Variants in ITGB3BP observed in about 807,000 individuals in gnomAD.
The protein encoded by ITGB3BP is integrin subunit beta 3 binding protein, also known as centromere protein R.
A neutral mutation model predicts 29.1 loss-of-function variants in ITGB3BP; 27 were observed. The ratio of observed to expected loss-of-function variants is 0.93; its 90% CI spans 0.68 to 1.28. ITGB3BP has a LOEUF of 1.28. Among genes scored for constraint, ITGB3BP ranks in the 50% most tolerant of loss-of-function variants. The probability of loss-of-function intolerance (pLI) is 0.00; values close to 1 mark genes in which losing one functional copy is unlikely to be tolerated. For synonymous variants in ITGB3BP, 61 were observed against 61.4 expected (o/e 0.99, Z 0.03); for missense variants, 192 against 200.2 (o/e 0.96, Z 0.25).
chr1:63,491,502 G>C (rs949075903), intron 2 of ITGB3BP, among the ~76,000 whole-genome samples: 3 of 152,104 alleles, frequency 2.0e-5, no homozygotes, highest in Admixed American at 6.6e-5. Flanking sequence ...AGGTCTGATG[G>C]CTCATACATT....
chr1:63,515,214 TTTTG>T (rs1646287966), intron 1 of ITGB3BP, among the ~76,000 whole-genome samples: 1 of 152,122 alleles, frequency 6.6e-6, no homozygotes, highest in Non-Finnish European at 1.5e-5. Context: ...GGTCAAGGTG[TTTTG>T]TTTTTTTCCC....
rs1570329943 is a variant in ITGB3BP, at chr1:63,515,782, C to T, written c.6-7212G>A. On this transcript the variant is annotated intron_variant, in intron 1 of 8. Transcript: ENST00000271002. ...CGGAGGTTGCAGTGAGCCAAGATTG[C>T]ACCACTGCACTCCAGTCTGGACAAC... 3.2e-5 allele frequency among the ~76,000 whole-genome samples: 4 copies of T among 123,826 alleles called. No homozygotes were observed. In the East Asian group the frequency reaches 1.1e-3, roughly 34 times the overall value. The allele number at this position is 123,826 out of a possible 152,430, so 81.2% of individuals were successfully genotyped here. A position where few individuals can be genotyped will look rare whatever the true frequency, so the allele number is the denominator to read the frequency against.
In ITGB3BP at chr1:63,478,829, CT is replaced by C; in HGVS notation, c.188del (p.Lys63ArgfsTer5). 1 of 1,281,020 alleles carries C rather than the reference CT, an allele frequency of 7.8e-7. No individual in the cohort carries two copies. Among genetic ancestry groups the C allele is most frequent in the Non-Finnish European group, 1.1e-6 (1 of 921,868 alleles). 79.4% of individuals were successfully genotyped at this position (1,281,020 alleles called of 1,614,324 possible). A position where few individuals can be genotyped will look rare whatever the true frequency, so the allele number is the denominator to read the frequency against. On this transcript the variant is annotated frameshift_variant, in exon 4 of 9. Transcript: ENST00000271002. LOFTEE classifies it high-confidence loss of function. ...AACTGGGGTGATTCAATTTTTTTCT[CT>C]TTTCTATATATGTGTAATAAAGAAA... Reference protein sequence around the residue: ...QKHRNGLSNEKRKKLNHPSLT... With the variant: ...QKHRNGLSNEXRKKLNHPSLT...
chr1:63,495,643 G>T (rs927309099), intron 2 of ITGB3BP, among the ~76,000 whole-genome samples: 1 of 150,872 alleles, frequency 6.6e-6, no homozygotes, highest in Non-Finnish European at 1.5e-5. Flanking sequence ...CAGGATCCAT[G>T]GCAATCACTC....
intron 2 of ITGB3BP, among the ~76,000 whole-genome samples, chr1:63,495,908 G>C (rs1280990499): frequency 6.6e-6 from 1 of 152,132 alleles, no homozygotes; most frequent in Non-Finnish European, 1.5e-5. Flanking sequence ...CATTCTGTGG[G>C]AGGGAATCTC....
Position 63,510,891 on chromosome 1 carries a change from ATTACT to A in ITGB3BP, c.6-2326_6-2322del, listed in dbSNP as rs909897764. Among the ~76,000 whole-genome samples, 12 of 152,300 alleles carry A rather than the reference ATTACT, an allele frequency of 7.9e-5. 1 individual carries two copies. Among genetic ancestry groups the A allele is most frequent in the African/African-American group, 2.9e-4 (12 of 41,562 alleles). ...ACAATGACGAGAATATACTAAATTG[ATTACT>A]TTACTGTTAGTAGGAATAGAAGAGA... On this transcript the variant is annotated intron_variant, in intron 1 of 8. Transcript: ENST00000271002.
rs573393204 is a variant in ITGB3BP, at chr1:63,499,922, C to A, written c.48+8606G>T. ...AGACTGGATTCTTTCCCTCTAAGAT[C>A]AGGTACAAGAAAAGAATGTCTGCTC... On this transcript the variant is annotated intron_variant, in intron 2 of 8. Transcript: ENST00000271002. Among the ~76,000 whole-genome samples, 3 of 152,292 alleles carry A rather than the reference C, an allele frequency of 2.0e-5. No homozygotes were observed. The South Asian group carries it at 6.2e-4, about 32-fold the overall frequency.
chr1:63,504,905 C>T (rs1254543274), intron 2 of ITGB3BP, among the ~76,000 whole-genome samples: 4 of 152,202 alleles, frequency 2.6e-5, no homozygotes, highest in East Asian at 1.9e-4. Flanking sequence ...CTGCTGGATT[C>T]GGTTTGCCAG....
In ITGB3BP at chr1:63,454,385, T is replaced by G; in HGVS notation, c.422A>C (p.Glu141Ala). 1 of 1,549,160 alleles carries G rather than the reference T, an allele frequency of 6.5e-7. No individual in the cohort carries two copies. The highest frequency in any genetic ancestry group is 8.9e-7 in the Non-Finnish European group (1 of 1,127,494). The change falls in exon 6 of 9, where the codon GAA becomes GCA. Residue 141 changes from glutamate (E) to alanine (A), a missense_variant. Coordinates refer to ENST00000271002, the MANE Select transcript of ITGB3BP (RefSeq NM_014288.5). This position sits in a 1 kb window ranked among gnomAD's most constrained non-coding sequence, Gnocchi z 4.1. ...GAAAACTCAAAAATTCTTACTTAGT[T>G]CTTTGGTTTTCTGCATTTCTCTTTT... ...FLKREMQKTKELMTKVNKQKL... is the reference protein window; with the variant it reads ...FLKREMQKTKALMTKVNKQKL...
At chr1:63,521,588 T>A (rs527741038) in intron 1 of ITGB3BP, among the ~76,000 whole-genome samples, 1 of 152,228 alleles carries the variant, frequency 6.6e-6, no homozygotes, top group East Asian at 1.9e-4. Context: ...TCCCAGCACA[T>A]TGGGAGGCTG....
chr1:63,489,653 T>C (rs1244246250), intron 3 of ITGB3BP, among the ~76,000 whole-genome samples: 1 of 151,998 alleles, frequency 6.6e-6, no homozygotes, highest in South Asian at 2.1e-4. Flanking sequence ...AGATAAGCTA[T>C]ATAAAGATAT....
At chr1:63,458,812 T>C (rs1214876329) in intron 4 of ITGB3BP, among the ~76,000 whole-genome samples, 1 of 152,176 alleles carries the variant, frequency 6.6e-6, no homozygotes, top group Non-Finnish European at 1.5e-5. Flanking sequence ...AACTATTTGA[T>C]GGATCAATGA....
At chr1:63,514,775 A>C (rs1378786280) in intron 1 of ITGB3BP, among the ~76,000 whole-genome samples, 1 of 152,000 alleles carries the variant, frequency 6.6e-6, no homozygotes, top group East Asian at 1.9e-4. Context: ...GTAAAAGCCC[A>C]TCTCTCCTAA....
chr1:63,456,277 C>A (rs1344343488), intron 4 of ITGB3BP, among the ~76,000 whole-genome samples: 3 of 152,032 alleles, frequency 2.0e-5, no homozygotes, highest in African/African-American at 7.2e-5. Context: ...AAACAAGAGA[C>A]TTTTGATAGC....
chr1:63,523,522 T>A, upstream of ITGB3BP: 1 of 284,096 alleles, frequency 3.5e-6, no homozygotes. Flanking sequence ...GGCGGTGAGG[T>A]GCAGTTGCCA....
chr1:63,519,442 TAGAC>T (rs1373318712), intron 1 of ITGB3BP, among the ~76,000 whole-genome samples: 2 of 152,124 alleles, frequency 1.3e-5, no homozygotes, highest in African/African-American at 4.8e-5. Flanking sequence ...CTAAGTTAAA[TAGAC>T]AGGTGAGAGC....
At position 63,517,805 on chromosome 1, in the gene ITGB3BP, T is replaced by C. The variant is rs539712364; in HGVS notation, c.5+5324A>G. ...GACACAATCACAGCTCACTGCAGCCTTGACTTCCTCGGCTCAAGTGATCCT... is the reference window on the plus strand; with the variant it reads ...GACACAATCACAGCTCACTGCAGCCCTGACTTCCTCGGCTCAAGTGATCCT... On this transcript the variant is annotated intron_variant, in intron 1 of 8. Coordinates refer to ENST00000271002, the MANE Select transcript of ITGB3BP (RefSeq NM_014288.5). Among the ~76,000 whole-genome samples, 3 of 152,334 alleles carry C rather than the reference T, an allele frequency of 2.0e-5. No individual in the cohort carries two copies. In the East Asian group the frequency reaches 5.8e-4, roughly 29 times the overall value.
chr1:63,482,465 A>G (rs1331991423), intron 3 of ITGB3BP, among the ~76,000 whole-genome samples: 1 of 151,862 alleles, frequency 6.6e-6, no homozygotes, highest in African/African-American at 2.4e-5. Flanking sequence ...GTGGTCAAAC[A>G]AAAGTTAGTA....
chr1:63,455,103 T>C (rs986335671), intron 4 of ITGB3BP, 135 bp from the exon 5 acceptor site: 5 of 540,502 alleles, frequency 9.3e-6, no homozygotes, highest in Admixed American at 6.3e-5. Context: ...ATATATATTA[T>C]CAACTGTCCC....
Sources: allele counts gnomAD v4.1 joint callset (sites outside exome capture counted in the v4.1 genomes callset), GRCh38; gene constraint gnomAD v4.1.1; non-coding constraint Gnocchi (gnomAD v3.1); transcripts MANE v1.5; gene names NCBI Gene and HGNC (gene_info 2026-07-23, HGNC 2026-07-21).